Variants in PFKL observed in about 807,000 individuals in gnomAD.
PFKL encodes phosphofructokinase, liver type, also known as ATP-dependent 6-phosphofructokinase, liver type.
In PFKL, 74 loss-of-function variants were observed where a neutral mutation model predicts 92.1. That is an observed-to-expected ratio of 0.80 (90% confidence interval 0.67 to 0.97). The LOEUF is 0.97. Among genes scored for constraint, PFKL ranks in the 50% least tolerant of loss-of-function variants. The pLI is 0.00. For synonymous variants in PFKL, 494 were observed against 456.4 expected (o/e 1.08, Z -1.05); for missense variants, 1,028 against 1,116.6 (o/e 0.92, Z 1.13).
rs940151062 is a variant in PFKL, at chr21:44,321,972, G to A, written c.1338+97G>A. On this transcript the variant is annotated intron_variant, in intron 13 of 21. Transcript: ENST00000349048. The stretch of plus-strand genomic sequence containing the variant: ...AGGCCGGCTGCTGGAGGTGGAGGCT[G>A]AGACCTGGGTCCGCGTGTCGGTGCC... 37 of 1,466,486 alleles carry A rather than the reference G, an allele frequency of 2.5e-5. No individual in the cohort carries two copies. The South Asian group carries it at 2.8e-4, about 11-fold the overall frequency. 90.8% of individuals were successfully genotyped at this position (1,466,486 alleles called of 1,614,324 possible).
At chr21:44,311,361 CACAG>C (rs1442433253) in intron 3 of PFKL, among the ~76,000 whole-genome samples, 2 of 149,146 alleles carry the variant, frequency 1.3e-5, no homozygotes, top group East Asian at 1.9e-4. Context: ...CAGACGTGCA[CACAG>C]ACACACAGAC....
intron 9 of PFKL, among the ~76,000 whole-genome samples, chr21:44,318,213 C>A (rs957261738): frequency 1.3e-5 from 2 of 152,186 alleles, no homozygotes; most frequent in African/African-American, 4.8e-5. Flanking sequence ...GTGGGTGGGT[C>A]GCATTGCATG....
intron 19 of PFKL, chr21:44,325,730 A>AGGGGCAGCCGACTGCCGGCCTCGG: frequency 3.6e-6 from 2 of 560,736 alleles, no homozygotes; most frequent in East Asian, 5.9e-5. Flanking sequence ...TGACTTGGCC[A>AGGGGCAGCCGACTGCCGGCCTCGG]GGGGCAGCCG....
intron 2 of PFKL, among the ~76,000 whole-genome samples, chr21:44,309,036 A>G (rs909875960): frequency 6.6e-6 from 1 of 152,046 alleles, no homozygotes; most frequent in Non-Finnish European, 1.5e-5. Context: ...TATGGGCTTT[A>G]GGCAGATTCG....
chr21:44,327,110 G>C lies in PFKL; in HGVS notation c.*248G>C, dbSNP rs556615324. 2 of 552,958 alleles carry C rather than the reference G, an allele frequency of 3.6e-6. No individual in the cohort carries two copies. Among genetic ancestry groups the C allele is most frequent in the South Asian group, 4.3e-5 (2 of 46,408 alleles). The allele number at this position is 552,958 out of a possible 1,614,324, so 34.3% of individuals were successfully genotyped here. ...CTGGGGCATCCACCTTCCTGCCCAG[G>C]GGACGTGGCGCTGTCGGTGTTTGGA... On this transcript the variant is annotated 3_prime_UTR_variant, in exon 22 of 22. Transcript: ENST00000349048.
intron 2 of PFKL, 81 bp downstream of exon 2, chr21:44,306,835 C>CACAGA: frequency 1.6e-6 from 2 of 1,246,130 alleles, no homozygotes; most frequent in Non-Finnish European, 2.3e-6. Context: ...GTGTGGGTCA[C>CACAGA]ACTGGGAGAC....
intron 1 of PFKL, among the ~76,000 whole-genome samples, chr21:44,302,381 G>A (rs2040802378): frequency 6.6e-6 from 1 of 152,222 alleles, no homozygotes; most frequent in South Asian, 2.1e-4. Context: ...GATCTGGGGC[G>A]AGTAGGATGG....
chr21:44,321,918 G>A, intron 13 of PFKL, 43 bp downstream of exon 13: 1 of 1,514,392 alleles, frequency 6.6e-7, no homozygotes, highest in East Asian at 2.3e-5. Flanking sequence ...TGGGCCTTCT[G>A]TGTGCACACT....
chr21:44,304,241 A>AC (rs1241855495), intron 1 of PFKL: 2 of 1,288,440 alleles, frequency 1.6e-6, no homozygotes, highest in African/African-American at 3.0e-5. Context: ...ACCCTTGCTG[A>AC]CCCCTGATCC....
intron 14 of PFKL, among the ~76,000 whole-genome samples, chr21:44,322,637 G>A (rs1399320235): frequency 6.6e-6 from 1 of 152,244 alleles, no homozygotes; most frequent in Non-Finnish European, 1.5e-5. Flanking sequence ...GTGGCTGCAA[G>A]GGCCAGAGGA....
At position 44,313,638 on chromosome 21, in the gene PFKL, C is replaced by A; in HGVS notation, c.594C>A (p.Ser198Arg). Reference protein sequence around the residue: ...VIDAITTTAQSHQRTFVLEVM... With the variant: ...VIDAITTTAQRHQRTFVLEVM... ...GCATCCTCCTGTTCCATCTCCACAG[C>A]CACCAGAGGACCTTCGTGCTGGAAG... The change falls in exon 6 of 22, where the codon AGC becomes AGA. Residue 198 changes from serine (S) to arginine (R), a missense_variant and splice_region_variant. Coordinates refer to ENST00000349048, the MANE Select transcript of PFKL (RefSeq NM_002626.6). 1 of 1,611,898 alleles carries A rather than the reference C, an allele frequency of 6.2e-7. No homozygotes were observed. The highest frequency in any genetic ancestry group is 8.5e-7 in the Non-Finnish European group (1 of 1,179,480).
rs199538278 is a variant in PFKL at position 44,311,355 on chromosome 21, CGT to C, written c.237+274_237+275del. Among the ~76,000 whole-genome samples, 1,244 of 151,822 alleles carry C rather than the reference CGT, an allele frequency of 8.2e-3. 19 individuals carry two copies. Among genetic ancestry groups the C allele is most frequent in the African/African-American group, 0.028 (1,175 of 41,296 alleles). On this transcript the variant is annotated intron_variant, in intron 3 of 21. Transcript: ENST00000349048. Reference sequence around the variant, plus strand: ...ACATGCACACATACAGACACACAGACGTGCACACAGACACACAGACGCGCACA... The same window carrying C: ...ACATGCACACATACAGACACACAGACGCACACAGACACACAGACGCGCACA...
At chr21:44,312,346 C>A in intron 4 of PFKL, 52 bp downstream of exon 4, 3 of 1,464,076 alleles carry the variant, frequency 2.0e-6, no homozygotes, top group Non-Finnish European at 2.7e-6. Flanking sequence ...TTTGCCGCTG[C>A]TGCCAGGCGT....
At chr21:44,301,504 G>A (rs2040774265) in intron 1 of PFKL, among the ~76,000 whole-genome samples, 1 of 152,222 alleles carries the variant, frequency 6.6e-6, no homozygotes, top group African/African-American at 2.4e-5. Context: ...TGCAAAGGTA[G>A]CTAGAAGACT....
In PFKL at chr21:44,325,985, CGG is replaced by C. The variant is rs1568974638; in HGVS notation, c.2015_2016del (p.Arg672GlnfsTer52). ...GGGTGGCGCTCCAACCCCCTTTGACCGGAACTATGGGACCAAGCTGGGGGTGA... is the reference window on the plus strand; with the variant it reads ...GGGTGGCGCTCCAACCCCCTTTGACCAACTATGGGACCAAGCTGGGGGTGA... Reference protein sequence around the residue: ...QQGGAPTPFDRNYGTKLGVKA... With the variant: ...QQGGAPTPFDXNYGTKLGVKA... On this transcript the variant is annotated frameshift_variant, in exon 20 of 22. Transcript: ENST00000349048. LOFTEE classifies it high-confidence loss of function. 1 of 1,613,716 alleles carries C rather than the reference CGG, an allele frequency of 6.2e-7. No homozygotes were observed. The highest frequency in any genetic ancestry group is 1.7e-5 in the Admixed American group (1 of 60,004).
intron 18 of PFKL, 52 bp from the exon 19 acceptor site, chr21:44,325,101 G>A: frequency 2.2e-6 from 3 of 1,367,576 alleles, no homozygotes; most frequent in East Asian, 2.3e-5. Flanking sequence ...CTCAGGATCG[G>A]GGGGAGACCT....
chr21:44,326,047 G>A lies in PFKL; in HGVS notation c.2076G>A (p.Glu692=), dbSNP rs149471945. ...AMLWLSEKLR[E]VYRKGRVFAN... Reference sequence around the variant, plus strand: ...TGTGGTTGTCGGAGAAGCTGCGCGAGGTTTACCGCAAGGGTAGGTGGTGGG... The same window carrying A: ...TGTGGTTGTCGGAGAAGCTGCGCGAAGTTTACCGCAAGGGTAGGTGGTGGG... The change falls in exon 20 of 22, where the codon GAG becomes GAA. Residue 692 remains glutamate (E), a synonymous_variant. Transcript: ENST00000349048. The A allele has an allele frequency of 4.2e-5, 68 of 1,613,734 alleles. No homozygotes were observed. In the African/African-American group the frequency reaches 8.3e-4, roughly 20 times the overall value.
chr21:44,322,073 C>T (rs2047370304), intron 13 of PFKL, 60 bp from the exon 14 acceptor site: 12 of 1,551,656 alleles, frequency 7.7e-6, no homozygotes, highest in African/African-American at 1.4e-5. Flanking sequence ...CAGGCCCACC[C>T]CTGGGGGGAA....
At chr21:44,325,803 C>G in intron 19 of PFKL, 158 bp from the exon 20 acceptor site, 1 of 609,728 alleles carries the variant, frequency 1.6e-6, no homozygotes, top group Non-Finnish European at 2.9e-6. Flanking sequence ...AGGCAGGGTC[C>G]TCGATCGGGA....
Sources: allele counts gnomAD v4.1 joint callset (sites outside exome capture counted in the v4.1 genomes callset), GRCh38; gene constraint gnomAD v4.1.1; transcripts MANE v1.5; gene names NCBI Gene and HGNC (gene_info 2026-07-23, HGNC 2026-07-21).